RNF220: variants seen among roughly 807,000 people sequenced by gnomAD.
RNF220 encodes E3 ubiquitin-protein ligase RNF220.
In RNF220, 7 loss-of-function variants were observed where a neutral mutation model predicts 67.1. The ratio of observed to expected loss-of-function variants is 0.10; its 90% CI spans 0.06 to 0.20. The LOEUF is 0.20. RNF220 is among the 10% of genes least tolerant of loss of function. RNF220 has a pLI of 1.00. For synonymous variants in RNF220, 270 were observed against 283.2 expected, an observed-to-expected ratio of 0.95 and a Z score of 0.47; for missense variants, 565 against 740.3, an observed-to-expected ratio of 0.76 and a Z score of 2.75.
At position 44,455,158 on chromosome 1, in the gene RNF220, A is replaced by G. The variant is rs568136203; in HGVS notation, c.625+42436A>G. Among the ~76,000 whole-genome samples the G allele has an allele frequency of 9.2e-5, 14 of 152,292 alleles. No individual in the cohort carries two copies. The South Asian group carries it at 1.5e-3, about 16-fold the overall frequency. ...TCTCTGTTCACTAGATTTGCTTACT[A>G]TTTGTTTTGCTCTTTCCTTTGCTTC... On this transcript the variant is annotated intron_variant, in intron 2 of 14. Coordinates refer to ENST00000361799, the MANE Select transcript of RNF220 (RefSeq NM_018150.4).
At chr1:44,569,741 G>T (rs1403665263) in intron 2 of RNF220, among the ~76,000 whole-genome samples, 1 of 151,016 alleles carries the variant, frequency 6.6e-6, no homozygotes, top group Non-Finnish European at 1.5e-5. Flanking sequence ...GGGCTGCTGA[G>T]GGGGAACAAG....
intron 2 of RNF220, among the ~76,000 whole-genome samples, chr1:44,431,071 T>TA (rs1650316534): frequency 6.6e-6 from 1 of 152,200 alleles, no homozygotes; most frequent in Non-Finnish European, 1.5e-5. Flanking sequence ...TTGACAAAAT[T>TA]AGTTTTCTTT....
chr1:44,644,940 C>A, intron 9 of RNF220, 55 bp from the exon 10 acceptor site: 1 of 1,589,192 alleles, frequency 6.3e-7, no homozygotes, highest in Non-Finnish European at 8.6e-7. Context: ...CCTGAGGATT[C>A]AACCCTCATA....
chr1:44,502,049 T>C (rs1197647395), intron 2 of RNF220, among the ~76,000 whole-genome samples: 1 of 98,846 alleles, frequency 1.0e-5, no homozygotes, highest in African/African-American at 4.1e-5. Flanking sequence ...TTCACACCAC[T>C]GAAACACACA....
At chr1:44,492,763 G>T (rs1326822986) in intron 2 of RNF220, among the ~76,000 whole-genome samples, 1 of 152,126 alleles carries the variant, frequency 6.6e-6, no homozygotes. Context: ...GGGCTGGGGT[G>T]AGGGGAGGAT....
At chr1:44,602,761 C>T (rs1409318099) in intron 2 of RNF220, among the ~76,000 whole-genome samples, 1 of 152,130 alleles carries the variant, frequency 6.6e-6, no homozygotes, top group African/African-American at 2.4e-5. Flanking sequence ...CCCTGCCCCA[C>T]CCCATCCGGC....
intron 2 of RNF220, among the ~76,000 whole-genome samples, chr1:44,595,507 G>C (rs909936550): frequency 6.6e-6 from 1 of 152,146 alleles, no homozygotes; most frequent in African/African-American, 2.4e-5. Flanking sequence ...TGCAGGCTGG[G>C]GCTCTGGGGC....
chr1:44,511,266 A>G lies in RNF220; in HGVS notation c.625+98544A>G, dbSNP rs184022877. ...TTTCTACAAGATAAAGGGATTGGCT[A>G]CAGGAGCCACCAGAAGAGAGATCCC... On this transcript the variant is annotated intron_variant, in intron 2 of 14. Transcript: ENST00000361799. 1.4e-3 allele frequency among the ~76,000 whole-genome samples: 217 copies of G among 152,340 alleles called. 1 individual carries two copies. The highest frequency in any genetic ancestry group is 1.2e-3 in the Non-Finnish European group (85 of 68,032).
At chr1:44,460,095 A>T (rs575964834) in intron 2 of RNF220, among the ~76,000 whole-genome samples, 1 of 152,328 alleles carries the variant, frequency 6.6e-6, no homozygotes, top group Non-Finnish European at 1.5e-5. Flanking sequence ...GCTTAATCCC[A>T]ACGGGAAAGT....
chr1:44,522,878 C>T (rs758275895), intron 2 of RNF220, among the ~76,000 whole-genome samples: 8 of 152,208 alleles, frequency 5.3e-5, no homozygotes, highest in Non-Finnish European at 1.0e-4. Flanking sequence ...ACTGTGTGTG[C>T]ATGCATGCAT....
At chr1:44,506,576 C>T (rs1234335141) in intron 2 of RNF220, among the ~76,000 whole-genome samples, 1 of 152,240 alleles carries the variant, frequency 6.6e-6, no homozygotes. Flanking sequence ...CCAGCAATAC[C>T]CTGCAGGCCG....
At chr1:44,614,360 TC>T in intron 3 of RNF220, 63 bp downstream of exon 3, 1 of 1,581,282 alleles carries the variant, frequency 6.3e-7, no homozygotes, top group Non-Finnish European at 8.6e-7. Context: ...GGCCACCGGA[TC>T]CCAGAAGCAG....
chr1:44,432,644 A>G (rs552406345), intron 2 of RNF220, among the ~76,000 whole-genome samples: 183 of 152,154 alleles, frequency 1.2e-3, no homozygotes, highest in South Asian at 2.1e-3. Flanking sequence ...AGGTGTGATT[A>G]TAGTACACTA....
intron 3 of RNF220, among the ~76,000 whole-genome samples, chr1:44,618,233 G>C (rs1019605739): frequency 2.0e-5 from 3 of 152,296 alleles, no homozygotes; most frequent in African/African-American, 4.8e-5. Flanking sequence ...TCCAGCTCCA[G>C]AGCCAGGGCT....
chr1:44,473,190 GTGATTAAGTTATAATTT>G (rs1654974604), intron 2 of RNF220, among the ~76,000 whole-genome samples: 1 of 152,082 alleles, frequency 6.6e-6, no homozygotes, highest in African/African-American at 2.4e-5. Flanking sequence ...AGCTTCTATT[GTGATTAAGTTATAATTT>G]AAGGCAGTGA....
rs2148520646 is a variant in RNF220 at position 44,650,144 on chromosome 1, G to A, written c.1629+187G>A. On this transcript the variant is annotated intron_variant, in intron 14 of 14. Transcript: ENST00000361799. The surrounding 1 kb of genome is among the most constrained non-coding windows in gnomAD (Gnocchi z 4.3). ...CGCTGCCTCTCCTCCCCAACTGCAG[G>A]TTTAGGAACTTCTCCCCCTCCATGA... The A allele has an allele frequency of 1.6e-6, 1 of 634,526 alleles. No individual in the cohort carries two copies. 39.3% of individuals were successfully genotyped at this position (634,526 alleles called of 1,614,324 possible). A position where few individuals can be genotyped will look rare whatever the true frequency, so the allele number is the denominator to read the frequency against.
intron 2 of RNF220, among the ~76,000 whole-genome samples, chr1:44,476,297 A>G (rs1283514373): frequency 6.6e-6 from 1 of 152,142 alleles, no homozygotes; most frequent in Admixed American, 6.6e-5. Context: ...TGGTTCACAA[A>G]TGTTCATTTT....
intron 2 of RNF220, among the ~76,000 whole-genome samples, chr1:44,521,537 T>A (rs1435137010): frequency 6.6e-6 from 1 of 151,276 alleles, no homozygotes; most frequent in Non-Finnish European, 1.5e-5. Context: ...ACTGCTGGAG[T>A]TTTCTAGGCA....
chr1:44,543,389 T>C (rs1661839026), intron 2 of RNF220, among the ~76,000 whole-genome samples: 1 of 152,130 alleles, frequency 6.6e-6, no homozygotes, highest in Non-Finnish European at 1.5e-5. Flanking sequence ...TCAGCAGGCC[T>C]GGGGCCTTCT....
Sources: allele counts gnomAD v4.1 joint callset (sites outside exome capture counted in the v4.1 genomes callset), GRCh38; gene constraint gnomAD v4.1.1; non-coding constraint Gnocchi (gnomAD v3.1); transcripts MANE v1.5; gene names NCBI Gene and HGNC (gene_info 2026-07-23, HGNC 2026-07-21).